Variants in DACH2 observed in about 807,000 individuals in gnomAD.
DACH2 encodes dachshund family transcription factor 2.
DACH2 carries 17 observed loss-of-function variants against 35.8 expected under a neutral mutation model. The ratio of observed to expected loss-of-function variants is 0.48; its 90% CI spans 0.33 to 0.71. The LOEUF is 0.71. Among genes scored for constraint, DACH2 ranks in the 30% least tolerant of loss-of-function variants. DACH2 has a pLI of 0.02. For missense variants in DACH2, 469 were observed against 472.7 expected, an observed-to-expected ratio of 0.99 and a Z score of 0.07; for synonymous variants, 195 against 177.3, an observed-to-expected ratio of 1.10 and a Z score of -0.79.
At chrX:86,393,097 G>A (rs1017227102) in intron 2 of DACH2, among the ~76,000 whole-genome samples, 1 of 111,014 alleles carries the variant, frequency 9.0e-6, no homozygotes, top group African/African-American at 3.3e-5. Flanking sequence ...ATGCTACCCT[G>A]TAGCATTTTA....
intron 3 of DACH2, among the ~76,000 whole-genome samples, chrX:86,621,323 A>G (rs1421404006): frequency 9.0e-6 from 1 of 111,525 alleles, no homozygotes; most frequent in African/African-American, 3.3e-5. Context: ...AAGACACAAT[A>G]CCCTAAACTT....
At chrX:86,442,682 G>A (rs1440639088) in intron 2 of DACH2, among the ~76,000 whole-genome samples, 1 of 109,972 alleles carries the variant, frequency 9.1e-6, no homozygotes, top group Non-Finnish European at 1.9e-5. Context: ...TTTCATTTCA[G>A]GTTTTGCATT....
chrX:86,254,797 T>G (rs865838566), intron 1 of DACH2, among the ~76,000 whole-genome samples: 1 of 68,268 alleles, frequency 1.5e-5, no homozygotes, highest in African/African-American at 7.2e-5. Flanking sequence ...TATATATATA[T>G]ATATATATAT....
chrX:86,458,426 G>A (rs2037512909), intron 2 of DACH2, among the ~76,000 whole-genome samples: 1 of 111,381 alleles, frequency 9.0e-6, no homozygotes, highest in Admixed American at 9.6e-5. Flanking sequence ...ATTAATGAAG[G>A]GGATAATGGA....
intron 3 of DACH2, among the ~76,000 whole-genome samples, chrX:86,647,815 T>C (rs1425912742): frequency 9.0e-6 from 1 of 110,942 alleles, no homozygotes; most frequent in African/African-American, 3.3e-5. Flanking sequence ...ATGCAGTATA[T>C]ATTTACAGCT....
At chrX:86,696,312 T>C (rs1017407729) in intron 5 of DACH2, among the ~76,000 whole-genome samples, 2 of 111,917 alleles carry the variant, frequency 1.8e-5, no homozygotes, top group African/African-American at 6.5e-5. Context: ...AAATAAGTTA[T>C]GGTGTGATAC....
chrX:86,329,687 A>G (rs1301447589), intron 1 of DACH2, among the ~76,000 whole-genome samples: 1 of 111,839 alleles, frequency 8.9e-6, no homozygotes, highest in Non-Finnish European at 1.9e-5. Flanking sequence ...CAGAAAAATA[A>G]CTGAAGAAGA....
At chrX:86,325,932 A>AT (rs59212594) in intron 1 of DACH2, among the ~76,000 whole-genome samples, 20,732 of 106,002 alleles carry the variant, frequency 0.2, 2,492 homozygotes, top group African/African-American at 0.43. Flanking sequence ...GAGCCTCAGG[A>AT]TTTTTTTTTT....
chrX:86,390,793 T>C (rs2036189418), intron 2 of DACH2, among the ~76,000 whole-genome samples: 1 of 108,763 alleles, frequency 9.2e-6, no homozygotes, highest in African/African-American at 3.3e-5. Flanking sequence ...TTTCACCATA[T>C]TGACCAGGCT....
At chrX:86,643,707 A>C (rs746107308) in intron 3 of DACH2, among the ~76,000 whole-genome samples, 3 of 111,301 alleles carry the variant, frequency 2.7e-5, no homozygotes, top group Admixed American at 9.6e-5. Context: ...TGCAAAAAAA[A>C]ACCTCCACAA....
chrX:86,611,907 T>C (rs1428784508), intron 3 of DACH2, among the ~76,000 whole-genome samples: 16 of 110,323 alleles, frequency 1.5e-4, no homozygotes, highest in African/African-American at 4.9e-4. Flanking sequence ...TTATTTTTGG[T>C]TCTTATTAAT....
intron 2 of DACH2, among the ~76,000 whole-genome samples, chrX:86,449,423 T>A (rs911156509): frequency 8.1e-5 from 9 of 110,943 alleles, no homozygotes; most frequent in African/African-American, 2.6e-4. Context: ...CTGCTTTCTC[T>A]TTGTTTCTTT....
At chrX:86,469,823 TGTATAC>T (rs2148220837) in intron 2 of DACH2, among the ~76,000 whole-genome samples, 1 of 107,919 alleles carries the variant, frequency 9.3e-6, no homozygotes, top group East Asian at 3.0e-4. Flanking sequence ...TGGAAATATA[TGTATAC>T]GTCTGTGTGT....
At chrX:86,203,611 C>A (rs1290564709) in intron 1 of DACH2, among the ~76,000 whole-genome samples, 1 of 111,555 alleles carries the variant, frequency 9.0e-6, no homozygotes, top group African/African-American at 3.3e-5. Context: ...TTTTAAAAAT[C>A]TGGTATATAT....
rs1451054122 is a variant in DACH2 at position 86,341,961 on chromosome X, G to A, written c.489-34863G>A. Among the ~76,000 whole-genome samples, 6 of 111,669 alleles carry A rather than the reference G, an allele frequency of 5.4e-5. No homozygotes were observed. In the East Asian group the frequency reaches 1.4e-3, roughly 26 times the overall value. On this transcript the variant is annotated intron_variant, in intron 1 of 11. Coordinates refer to ENST00000373125, the MANE Select transcript of DACH2 (RefSeq NM_053281.3). ...CTTCTTACGGATGAGCAAAGACAGTGGTTTCTTGAGATGGAATCTATCCCT... is the reference window on the plus strand; with the variant it reads ...CTTCTTACGGATGAGCAAAGACAGTAGTTTCTTGAGATGGAATCTATCCCT...
At chrX:86,753,603 C>T (rs2041797253) in intron 7 of DACH2, among the ~76,000 whole-genome samples, 1 of 111,269 alleles carries the variant, frequency 9.0e-6, no homozygotes, top group Admixed American at 9.6e-5. Flanking sequence ...CCAGTTCTTA[C>T]TATGATTTCC....
At chrX:86,280,094 TAG>T (rs1003300054) in intron 1 of DACH2, among the ~76,000 whole-genome samples, 14 of 110,611 alleles carry the variant, frequency 1.3e-4, no homozygotes, top group Non-Finnish European at 2.5e-4. Context: ...GTTCAGGAAA[TAG>T]AGAGAACACC....
chrX:86,700,076 C>CT (rs2041122500), intron 5 of DACH2, among the ~76,000 whole-genome samples: 1 of 109,729 alleles, frequency 9.1e-6, no homozygotes, highest in Non-Finnish European at 1.9e-5. Context: ...TATAATTTCA[C>CT]TTTTTTCAAT....
intron 3 of DACH2, among the ~76,000 whole-genome samples, chrX:86,568,653 G>T (rs1349473122): frequency 9.0e-6 from 1 of 111,053 alleles, no homozygotes; most frequent in Non-Finnish European, 1.9e-5. Flanking sequence ...GAAAATATAA[G>T]GTGTGAAGTG....
Sources: gnomAD v4.1 joint callset for allele counts (sites outside exome capture counted in the v4.1 genomes callset) on GRCh38, gnomAD v4.1.1 for gene constraint, MANE v1.5 for transcripts, NCBI Gene and HGNC (gene_info 2026-07-23, HGNC 2026-07-21) for gene names.